GPC6: variants seen among roughly 807,000 people sequenced by gnomAD.
GPC6 encodes glypican 6.
A neutral mutation model predicts 55.2 loss-of-function variants in GPC6; 14 were observed. The observed-to-expected ratio is 0.25, with a 90% CI of 0.17 to 0.40. The LOEUF (loss-of-function observed/expected upper bound fraction) is 0.40. GPC6 is among the 10% of genes least tolerant of loss of function. The pLI, the probability that GPC6 is intolerant of heterozygous loss-of-function variation, is 1.00. For missense variants in GPC6, 641 were observed against 708.5 expected (o/e 0.90, Z 1.08); for synonymous variants, 278 against 259.6 (o/e 1.07, Z -0.68).
At chr13:93,477,761 A>AT (rs1167615017) in intron 1 of GPC6, among the ~76,000 whole-genome samples, 1 of 152,036 alleles carries the variant, frequency 6.6e-6, no homozygotes, top group East Asian at 1.9e-4. Flanking sequence ...ACATAAAATT[A>AT]TTTTTTCTCC....
At position 93,593,294 on chromosome 13, in the gene GPC6, T is replaced by C. The variant is rs959145462; in HGVS notation, c.319+47873T>C. 4.6e-5 allele frequency among the ~76,000 whole-genome samples: 7 copies of C among 152,090 alleles called. No homozygotes were observed. The South Asian group carries it at 6.2e-4, about 14-fold the overall frequency. On this transcript the variant is annotated intron_variant, in intron 2 of 8. Coordinates refer to ENST00000377047, the MANE Select transcript of GPC6 (RefSeq NM_005708.5). ...AAAATGGAAGCTAATCTGAAACAAA[T>C]AAGTTTAAAAAATGCATCCAGAATC...
intron 5 of GPC6, among the ~76,000 whole-genome samples, chr13:94,304,026 G>C (rs1875810534): frequency 6.6e-6 from 1 of 152,162 alleles, no homozygotes. Flanking sequence ...CACTTTCAAA[G>C]CAATCCAGAA....
At chr13:94,309,313 A>ATAAC (rs1273106180) in intron 6 of GPC6, among the ~76,000 whole-genome samples, 1 of 152,176 alleles carries the variant, frequency 6.6e-6, no homozygotes, top group Non-Finnish European at 1.5e-5. Flanking sequence ...ACCTGTGGTA[A>ATAAC]TAACTTTGGG....
intron 1 of GPC6, among the ~76,000 whole-genome samples, chr13:93,230,194 A>G (rs921824777): frequency 2.0e-5 from 3 of 152,186 alleles, no homozygotes; most frequent in African/African-American, 7.2e-5. Context: ...TTTCTAATTG[A>G]AAGCTATTTG....
intron 1 of GPC6, among the ~76,000 whole-genome samples, chr13:93,475,100 C>T (rs1292070699): frequency 4.6e-5 from 7 of 152,032 alleles, no homozygotes; most frequent in African/African-American, 1.7e-4. Context: ...TATGATCATG[C>T]CACGACACTC....
At chr13:94,085,739 A>G (rs369196500) in intron 4 of GPC6, among the ~76,000 whole-genome samples, 1 of 152,214 alleles carries the variant, frequency 6.6e-6, no homozygotes, top group Non-Finnish European at 1.5e-5. Flanking sequence ...TCCCACTGCT[A>G]ATCTGGAGTA....
chr13:93,869,257 G>A (rs534597371), intron 3 of GPC6, among the ~76,000 whole-genome samples: 89 of 151,898 alleles, frequency 5.9e-4, no homozygotes, highest in Non-Finnish European at 9.3e-4. Flanking sequence ...AATCAGTATA[G>A]AACATTGATG....
chr13:94,272,710 C>T (rs764937609), intron 4 of GPC6, among the ~76,000 whole-genome samples: 25 of 151,998 alleles, frequency 1.6e-4, no homozygotes, highest in Non-Finnish European at 2.6e-4. Context: ...CCTCATAATC[C>T]GCCCACCTTG....
intron 3 of GPC6, among the ~76,000 whole-genome samples, chr13:93,874,386 T>C (rs1227938451): frequency 6.6e-6 from 1 of 151,886 alleles, no homozygotes; most frequent in Non-Finnish European, 1.5e-5. Flanking sequence ...ACCTTGTTCT[T>C]TTTTATGGCT....
intron 2 of GPC6, among the ~76,000 whole-genome samples, chr13:93,654,106 CTGTT>C (rs1302320352): frequency 1.3e-5 from 2 of 152,082 alleles, no homozygotes; most frequent in Non-Finnish European, 2.9e-5. Flanking sequence ...CCATTCTTTT[CTGTT>C]TATTTGTAGA....
chr13:94,210,177 G>A, intron 4 of GPC6, among the ~76,000 whole-genome samples: 1 of 134,182 alleles, frequency 7.5e-6, no homozygotes, highest in African/African-American at 2.8e-5. Context: ...TTTTTTTTGA[G>A]ACAGAGTCTC....
chr13:93,804,382 A>C (rs1424722668), intron 2 of GPC6, among the ~76,000 whole-genome samples: 1 of 152,184 alleles, frequency 6.6e-6, no homozygotes, highest in Non-Finnish European at 1.5e-5. Context: ...TATGTACATG[A>C]CCTAAAATTT....
At chr13:93,454,666 G>A (rs1302007747) in intron 1 of GPC6, among the ~76,000 whole-genome samples, 1 of 152,154 alleles carries the variant, frequency 6.6e-6, no homozygotes, top group South Asian at 2.1e-4. Flanking sequence ...TACAATCCCT[G>A]AGCTAGACAT....
intron 1 of GPC6, among the ~76,000 whole-genome samples, chr13:93,415,422 G>A (rs941553880): frequency 6.6e-6 from 1 of 151,922 alleles, no homozygotes; most frequent in African/African-American, 2.4e-5. Flanking sequence ...GCATTCATTT[G>A]TATGACAAAC....
At chr13:93,965,109 T>G (rs1879976092) in intron 3 of GPC6, among the ~76,000 whole-genome samples, 3 of 133,874 alleles carry the variant, frequency 2.2e-5, no homozygotes, top group Middle Eastern at 3.4e-3. Context: ...TGAGTTTGTT[T>G]TTTTTTTTTT....
intron 3 of GPC6, among the ~76,000 whole-genome samples, chr13:93,846,703 A>G (rs754013883): frequency 6.6e-6 from 1 of 152,084 alleles, no homozygotes; most frequent in Admixed American, 6.6e-5. Context: ...AATCCCAGCT[A>G]CTCGGGAGAC....
intron 3 of GPC6, among the ~76,000 whole-genome samples, chr13:93,886,330 A>G (rs1244678317): frequency 6.6e-6 from 1 of 152,044 alleles, no homozygotes; most frequent in Admixed American, 6.6e-5. Context: ...AAAGAGCTTT[A>G]AAAATCAGTG....
intron 4 of GPC6, among the ~76,000 whole-genome samples, chr13:94,155,253 C>T (rs1056150161): frequency 2.0e-5 from 3 of 152,002 alleles, no homozygotes; most frequent in African/African-American, 4.8e-5. Flanking sequence ...CTTCTTTTCT[C>T]GAGTTTTCTA....
chr13:94,326,797 G>A (rs1372626250), intron 6 of GPC6, among the ~76,000 whole-genome samples: 2 of 152,232 alleles, frequency 1.3e-5, no homozygotes, highest in African/African-American at 2.4e-5. Context: ...ATGGCGGGAA[G>A]CAACACAGTG....
Sources: gnomAD v4.1 joint callset for allele counts (sites outside exome capture counted in the v4.1 genomes callset) on GRCh38, gnomAD v4.1.1 for gene constraint, MANE v1.5 for transcripts, NCBI Gene and HGNC (gene_info 2026-07-23, HGNC 2026-07-21) for gene names.